The following KCTD16 variants were observed in gnomAD, a reference collection of about 807,000 sequenced individuals.
KCTD16 encodes potassium channel tetramerization domain containing 16.
In KCTD16, 13 loss-of-function variants were observed where a neutral mutation model predicts 33.2. That is an observed-to-expected ratio of 0.39 (90% CI 0.25 to 0.62). KCTD16 has a LOEUF of 0.62. KCTD16 is among the 20% of genes least tolerant of loss of function. The pLI is 0.50. For synonymous variants in KCTD16, 197 were observed against 195.3 expected (o/e 1.01, Z -0.07); for missense variants, 441 against 525.1 (o/e 0.84, Z 1.57).
At chr5:144,352,875 G>A (rs1475658620) in intron 3 of KCTD16, among the ~76,000 whole-genome samples, 1 of 151,946 alleles carries the variant, frequency 6.6e-6, no homozygotes, top group Non-Finnish European at 1.5e-5. Context: ...GAATATCTTC[G>A]GCTCTGCTGA....
chr5:144,331,133 T>C (rs1030398538), intron 3 of KCTD16, among the ~76,000 whole-genome samples: 1 of 152,348 alleles, frequency 6.6e-6, no homozygotes, highest in East Asian at 1.9e-4. Flanking sequence ...GTTTCTGCTT[T>C]AGGCAGTATA....
At chr5:144,217,740 T>G (rs1753608962) in intron 3 of KCTD16, among the ~76,000 whole-genome samples, 1 of 152,176 alleles carries the variant, frequency 6.6e-6, no homozygotes, top group Non-Finnish European at 1.5e-5. Context: ...TTTCTAGTAC[T>G]TCTCCACAAT....
At chr5:144,444,654 G>A (rs777862033) in intron 3 of KCTD16, among the ~76,000 whole-genome samples, 12 of 151,400 alleles carry the variant, frequency 7.9e-5, no homozygotes, top group Non-Finnish European at 8.8e-5. Context: ...TATTTTCCAC[G>A]TGATACTACA....
Position 144,396,207 on chromosome 5 carries a change from G to GTCCC in KCTD16, c.833-77447_833-77444dup, listed in dbSNP as rs58531463. Reference sequence around the variant, plus strand: ...GGTGTTCTCCTTGAAGAGCACTTCTGTCCCTCCCTTACATTTAAGGAGAAG... The same window carrying GTCCC: ...GGTGTTCTCCTTGAAGAGCACTTCTGTCCCTCCCTCCCTTACATTTAAGGAGAAG... On this transcript the variant is annotated intron_variant, in intron 3 of 3. Coordinates refer to ENST00000512467, the MANE Select transcript of KCTD16 (RefSeq NM_020768.4). Among the ~76,000 whole-genome samples the GTCCC allele has an allele frequency of 1.2e-3, 188 of 152,174 alleles. 1 individual carries two copies. The highest frequency in any genetic ancestry group is 4.3e-3 in the African/African-American group (180 of 41,516).
intron 3 of KCTD16, among the ~76,000 whole-genome samples, chr5:144,327,482 T>C (rs1376054080): frequency 1.3e-5 from 2 of 152,170 alleles, no homozygotes; most frequent in African/African-American, 4.8e-5. Flanking sequence ...TGGTATCCAA[T>C]ATAGAGCTGT....
chr5:144,446,028 T>C (rs559344234), intron 3 of KCTD16, among the ~76,000 whole-genome samples: 1 of 152,062 alleles, frequency 6.6e-6, no homozygotes, highest in South Asian at 2.1e-4. Context: ...TCTTGTTTTT[T>C]CTTCTTTCTA....
intron 3 of KCTD16, among the ~76,000 whole-genome samples, chr5:144,388,916 A>ATG (rs1053755651): frequency 1.3e-5 from 2 of 152,172 alleles, no homozygotes; most frequent in Non-Finnish European, 2.9e-5. Flanking sequence ...GTGTCTTAAT[A>ATG]TGTGTGTGTA....
chr5:144,208,128 T>A (rs910455853), intron 3 of KCTD16, among the ~76,000 whole-genome samples: 1 of 152,236 alleles, frequency 6.6e-6, no homozygotes, highest in African/African-American at 2.4e-5. Context: ...TGCTGTTTGA[T>A]TCTGAAGCCT....
chr5:144,233,010 A>G (rs2126814128), intron 3 of KCTD16, among the ~76,000 whole-genome samples: 2 of 152,146 alleles, frequency 1.3e-5, no homozygotes, highest in African/African-American at 2.4e-5. Context: ...GACATCCTCT[A>G]TTGATTCATC....
chr5:144,184,367 C>T (rs1284848539), intron 2 of KCTD16, among the ~76,000 whole-genome samples: 1 of 152,120 alleles, frequency 6.6e-6, no homozygotes, highest in Non-Finnish European at 1.5e-5. Flanking sequence ...CCTCAAGGTT[C>T]GTCCATGTTA....
At chr5:144,365,930 T>G (rs1328045469) in intron 3 of KCTD16, among the ~76,000 whole-genome samples, 4 of 152,182 alleles carry the variant, frequency 2.6e-5, no homozygotes, top group Non-Finnish European at 5.9e-5. Flanking sequence ...TGTGAGCTAT[T>G]TATTTATGCT....
chr5:144,343,285 C>A (rs1304287009), intron 3 of KCTD16, among the ~76,000 whole-genome samples: 2 of 152,016 alleles, frequency 1.3e-5, no homozygotes, highest in Non-Finnish European at 2.9e-5. Context: ...AGAGATTCAA[C>A]TTCTTCCTGG....
At chr5:144,317,882 C>T (rs1473697194) in intron 3 of KCTD16, among the ~76,000 whole-genome samples, 1 of 152,208 alleles carries the variant, frequency 6.6e-6, no homozygotes, top group African/African-American at 2.4e-5. Context: ...TCCTATTATA[C>T]TGTGAAATCC....
chr5:144,289,095 A>T (rs1274097251), intron 3 of KCTD16, among the ~76,000 whole-genome samples: 3 of 152,328 alleles, frequency 2.0e-5, no homozygotes, highest in East Asian at 1.9e-4. Flanking sequence ...TGGGATCCTT[A>T]AAAAGGCATT....
At chr5:144,328,286 C>A (rs1408643383) in intron 3 of KCTD16, among the ~76,000 whole-genome samples, 1 of 152,112 alleles carries the variant, frequency 6.6e-6, no homozygotes, top group East Asian at 1.9e-4. Flanking sequence ...ACAAGTTTGA[C>A]AATTCATGGA....
At chr5:144,389,347 C>A (rs1752400456) in intron 3 of KCTD16, among the ~76,000 whole-genome samples, 1 of 152,064 alleles carries the variant, frequency 6.6e-6, no homozygotes, top group Admixed American at 6.5e-5. Flanking sequence ...TGCACCCCTG[C>A]CTGAGCCCCA....
intron 3 of KCTD16, among the ~76,000 whole-genome samples, chr5:144,432,773 G>T (rs1753492726): frequency 6.6e-6 from 1 of 151,964 alleles, no homozygotes; most frequent in African/African-American, 2.4e-5. Flanking sequence ...TTCTTGAATT[G>T]CCCTAGACTT....
chr5:144,362,979 T>C (rs1374885219), intron 3 of KCTD16, among the ~76,000 whole-genome samples: 7 of 152,200 alleles, frequency 4.6e-5, no homozygotes, highest in Admixed American at 3.3e-4. Context: ...CTAAGTTCTT[T>C]CCATTTGTTT....
At chr5:144,301,202 T>G (rs1751428229) in intron 3 of KCTD16, among the ~76,000 whole-genome samples, 1 of 143,628 alleles carries the variant, frequency 7.0e-6, no homozygotes, top group Non-Finnish European at 1.5e-5. Flanking sequence ...GATCGCACCA[T>G]TGCACTCAAA....
Sources: allele counts gnomAD v4.1 joint callset (sites outside exome capture counted in the v4.1 genomes callset), GRCh38; gene constraint gnomAD v4.1.1; transcripts MANE v1.5; gene names NCBI Gene and HGNC (gene_info 2026-07-23, HGNC 2026-07-21).